The following ZNF503 variants were observed in gnomAD, a reference collection of about 807,000 sequenced individuals.
ZNF503 encodes the protein zinc finger protein 503, also known as NocA-like zinc finger 2.
ZNF503 carries 15 observed loss-of-function variants against 34.4 expected under a neutral mutation model. That is an observed-to-expected ratio of 0.44 (90% CI 0.29 to 0.67). ZNF503 has a LOEUF of 0.67. Among genes scored for constraint, ZNF503 ranks in the 30% least tolerant of loss-of-function variants. The pLI is 0.13. For missense variants in ZNF503, 1,007 were observed against 926.8 expected (o/e 1.09, Z -1.12); for synonymous variants, 580 against 456.8 (o/e 1.27, Z -3.44).
chr10:75,343,605 C>A, the ZNF503 span, among the ~76,000 whole-genome samples: 4 of 152,240 alleles, frequency 2.6e-5, no homozygotes, highest in Non-Finnish European at 5.9e-5. Flanking sequence ...CCTCCCCTTT[C>A]TGCAGTGCCC....
chr10:75,322,374 A>G, the ZNF503 span, among the ~76,000 whole-genome samples: 1 of 152,022 alleles, frequency 6.6e-6, no homozygotes, highest in Admixed American at 6.6e-5. Flanking sequence ...CGCCTGCCTC[A>G]GCCTCCCAAA....
chr10:75,293,505 T>G, the ZNF503 span, among the ~76,000 whole-genome samples: 1 of 152,158 alleles, frequency 6.6e-6, no homozygotes, highest in African/African-American at 2.4e-5. Flanking sequence ...CAAATGGATT[T>G]GAAGAGTCCT....
At chr10:75,345,365 G>A in the ZNF503 span, among the ~76,000 whole-genome samples, 13 of 152,016 alleles carry the variant, frequency 8.6e-5, no homozygotes, top group East Asian at 3.9e-4. Flanking sequence ...AGGACCCCAC[G>A]GTGGCTCACA....
the ZNF503 span, chr10:75,343,085 C>A: frequency 2.0e-5 from 3 of 152,170 alleles, no homozygotes; most frequent in African/African-American, 7.2e-5. Flanking sequence ...GGAGGTACTT[C>A]CCAAGCCTCC....
the ZNF503 span, among the ~76,000 whole-genome samples, chr10:75,325,447 C>G: frequency 1.3e-5 from 2 of 152,048 alleles, no homozygotes; most frequent in Non-Finnish European, 2.9e-5. Context: ...CTTGCCTTAG[C>G]CTTTTAAGTA....
At chr10:75,323,039 C>A in the ZNF503 span, among the ~76,000 whole-genome samples, 1 of 152,166 alleles carries the variant, frequency 6.6e-6, no homozygotes, top group Non-Finnish European at 1.5e-5. Flanking sequence ...CAATCCATTA[C>A]TCCAAAATTC....
At chr10:75,306,534 G>C in the ZNF503 span, among the ~76,000 whole-genome samples, 5 of 152,218 alleles carry the variant, frequency 3.3e-5, no homozygotes, top group South Asian at 1.0e-3. Context: ...CTGATGCATA[G>C]AAGTTTTTAA....
At chr10:75,362,118 C>G in the ZNF503 span, among the ~76,000 whole-genome samples, 1 of 152,188 alleles carries the variant, frequency 6.6e-6, no homozygotes, top group African/African-American at 2.4e-5. Flanking sequence ...AAAACAGCAC[C>G]AATGCAAAGC....
chr10:75,362,634 A>G, the ZNF503 span, among the ~76,000 whole-genome samples: 1 of 152,218 alleles, frequency 6.6e-6, no homozygotes, highest in Admixed American at 6.5e-5. Flanking sequence ...TGCATGCCAT[A>G]AAACATTTAT....
chr10:75,309,667 G>A, the ZNF503 span, among the ~76,000 whole-genome samples: 1 of 152,098 alleles, frequency 6.6e-6, no homozygotes, highest in Non-Finnish European at 1.5e-5. Context: ...TTATATGTCT[G>A]GGAAACAGAA....
At chr10:75,396,226 C>T (rs150190930), downstream of ZNF503, among the ~76,000 whole-genome samples, 694 of 152,324 alleles carry the variant, frequency 4.6e-3, 2 homozygotes, top group South Asian at 7.9e-3. This position sits in a 1 kb window ranked among gnomAD's most constrained non-coding sequence, Gnocchi z 4.4. Flanking sequence ...CCAGCTCAGC[C>T]TCTCTCGGCG....
the ZNF503 span, among the ~76,000 whole-genome samples, chr10:75,286,623 T>G: frequency 6.6e-6 from 1 of 152,196 alleles, no homozygotes; most frequent in Non-Finnish European, 1.5e-5. Context: ...CTCGTATGGG[T>G]GCTGTGAAGC....
the ZNF503 span, among the ~76,000 whole-genome samples, chr10:75,280,505 C>G: frequency 6.6e-6 from 1 of 152,018 alleles, no homozygotes; most frequent in Non-Finnish European, 1.5e-5. Context: ...AGAATTACAT[C>G]TCCCTGGAGA....
the ZNF503 span, among the ~76,000 whole-genome samples, chr10:75,342,349 A>G: frequency 2.0e-5 from 3 of 152,136 alleles, no homozygotes; most frequent in Non-Finnish European, 4.4e-5. Context: ...ATTTGCATGC[A>G]GGAGTCTTAT....
the ZNF503 span, among the ~76,000 whole-genome samples, chr10:75,329,399 TTCCTTCCTTCCTTCCTTTCC>T: frequency 8.3e-5 from 7 of 84,788 alleles, no homozygotes; most frequent in South Asian, 4.9e-4. Flanking sequence ...CCTTCCTTCC[TTCCTTCCTTCCTTCCTTTCC>T]TTCCTTCCTT....
chr10:75,394,237 C>T (rs2131982401), downstream of ZNF503, among the ~76,000 whole-genome samples: 1 of 152,364 alleles, frequency 6.6e-6, no homozygotes, highest in South Asian at 2.1e-4. Context: ...CAGATTATTT[C>T]ATCATCCAGG....
chr10:75,396,194 C>T (rs1158240988), downstream of ZNF503, among the ~76,000 whole-genome samples: 1 of 152,174 alleles, frequency 6.6e-6, no homozygotes, highest in Non-Finnish European at 1.5e-5. The surrounding 1 kb of genome is among the most constrained non-coding windows in gnomAD (Gnocchi z 4.4). Context: ...GCCCGCCGGC[C>T]AGGATTCTCA....
the ZNF503 span, among the ~76,000 whole-genome samples, chr10:75,329,338 T>C: frequency 2.1e-4 from 32 of 152,158 alleles, no homozygotes; most frequent in Middle Eastern, 6.8e-3. Flanking sequence ...TTTTTTCTTT[T>C]TTCTCTTTTT....
the ZNF503 span, among the ~76,000 whole-genome samples, chr10:75,356,017 A>G: frequency 6.6e-6 from 1 of 152,146 alleles, no homozygotes; most frequent in Non-Finnish European, 1.5e-5. Flanking sequence ...GAGCTTCCTC[A>G]CAGTATGGCA....
Sources: allele counts gnomAD v4.1 joint callset (sites outside exome capture counted in the v4.1 genomes callset), GRCh38; gene constraint gnomAD v4.1.1; non-coding constraint Gnocchi (gnomAD v3.1); transcripts MANE v1.5; gene names NCBI Gene and HGNC (gene_info 2026-07-23, HGNC 2026-07-21).